The following KREMEN1 variants were observed in gnomAD, a reference collection of about 807,000 sequenced individuals.
The protein encoded by KREMEN1 is kremen protein 1.
KREMEN1 carries 30 observed loss-of-function variants against 46.5 expected under a neutral mutation model. The observed-to-expected ratio is 0.65, with a 90% confidence interval of 0.48 to 0.88. KREMEN1 has a LOEUF of 0.88. Among genes scored for constraint, KREMEN1 ranks in the 40% least tolerant of loss-of-function variants. KREMEN1 has a pLI of 0.00. For synonymous variants in KREMEN1, 214 were observed against 230.6 expected (o/e 0.93, Z 0.65); for missense variants, 533 against 596.9 (o/e 0.89, Z 1.11).
At chr22:29,076,174 T>C (rs1480317466) in intron 1 of KREMEN1, among the ~76,000 whole-genome samples, 1 of 152,232 alleles carries the variant, frequency 6.6e-6, no homozygotes, top group Non-Finnish European at 1.5e-5. Context: ...TTAGGGTCTA[T>C]TAGGTGCACA....
intron 5 of KREMEN1, among the ~76,000 whole-genome samples, chr22:29,127,191 G>A (rs1210351492): frequency 6.6e-6 from 1 of 152,144 alleles, no homozygotes; most frequent in Non-Finnish European, 1.5e-5. Flanking sequence ...AGGGGTTATT[G>A]TGATTACTCT....
chr22:29,084,882 A>G (rs778387695), intron 1 of KREMEN1, among the ~76,000 whole-genome samples: 4 of 152,214 alleles, frequency 2.6e-5, no homozygotes, highest in Non-Finnish European at 5.9e-5. Flanking sequence ...TTTGAGAGGC[A>G]TGGCCTTTCC....
chr22:29,093,133 T>C (rs2037828354), intron 1 of KREMEN1, among the ~76,000 whole-genome samples: 2 of 152,236 alleles, frequency 1.3e-5, no homozygotes, highest in Non-Finnish European at 2.9e-5. Flanking sequence ...CTGTGGATAG[T>C]TTGAAGTATT....
intron 5 of KREMEN1, among the ~76,000 whole-genome samples, chr22:29,135,639 CAAGT>C (rs992918113): frequency 4.6e-5 from 7 of 152,196 alleles, no homozygotes; most frequent in African/African-American, 1.7e-4. Context: ...GAAAAGCTCA[CAAGT>C]GAGTGCAAAA....
downstream of KREMEN1, among the ~76,000 whole-genome samples, chr22:29,150,047 G>T (rs534615681): frequency 2.0e-5 from 3 of 152,034 alleles, no homozygotes; most frequent in Admixed American, 6.6e-5. Flanking sequence ...TGGCGAGGTC[G>T]GGTCCCGATG....
intron 1 of KREMEN1, among the ~76,000 whole-genome samples, chr22:29,092,316 G>T (rs927307414): frequency 1.3e-5 from 2 of 152,152 alleles, no homozygotes; most frequent in Admixed American, 6.5e-5. Flanking sequence ...GGGTGTGGTC[G>T]AGTGCCCAGC....
intron 9 of KREMEN1, chr22:29,166,933 AAAAAC>A (rs1440982588): frequency 2.4e-6 from 2 of 835,460 alleles, no homozygotes; most frequent in Non-Finnish European, 3.9e-6. Flanking sequence ...GCCCTGTCTC[AAAAAC>A]AAAACAAAAG....
chr22:29,124,385 G>T (rs1018296406), intron 4 of KREMEN1, among the ~76,000 whole-genome samples: 3 of 152,094 alleles, frequency 2.0e-5, no homozygotes, highest in Non-Finnish European at 4.4e-5. Flanking sequence ...TGCGTCAGTG[G>T]TTGCCAGGGT....
At position 29,144,359 on chromosome 22, in the gene KREMEN1, G is replaced by A; in HGVS notation, c.*2247G>A. On this transcript the variant is annotated 3_prime_UTR_variant, in exon 9 of 9. Coordinates refer to ENST00000400335, the MANE Select transcript of KREMEN1 (RefSeq NM_001039570.3). The stretch of plus-strand genomic sequence containing the variant: ...AGGTGCTTGGAGCTTCAGGCAGAGG[G>A]GCCTTCAGAGGAGGGAAACGGAGCA... 4.1e-6 allele frequency: 4 copies of A among 985,862 alleles called. No individual in the cohort carries two copies. Among genetic ancestry groups the A allele is most frequent in the Non-Finnish European group, 4.8e-6 (4 of 830,262 alleles). The allele number at this position is 985,862 out of a possible 1,614,324, so 61.1% of individuals were successfully genotyped here.
chr22:29,084,509 G>A (rs1212468735), intron 1 of KREMEN1, among the ~76,000 whole-genome samples: 1 of 152,190 alleles, frequency 6.6e-6, no homozygotes, highest in Non-Finnish European at 1.5e-5. Context: ...ATGCTTCACA[G>A]TGACAAGCAT....
At chr22:29,082,597 C>A (rs1008110643) in intron 1 of KREMEN1, among the ~76,000 whole-genome samples, 3 of 152,176 alleles carry the variant, frequency 2.0e-5, no homozygotes, top group African/African-American at 7.2e-5. Context: ...CCTCTTTCAA[C>A]AGACACTTAG....
Position 29,125,428 on chromosome 22 carries a change from C to T in KREMEN1, c.631+12C>T. 1 of 1,613,558 alleles carries T rather than the reference C, an allele frequency of 6.2e-7. No homozygotes were observed. Among genetic ancestry groups the T allele is most frequent in the Non-Finnish European group, 8.5e-7 (1 of 1,179,576 alleles). On this transcript the variant is annotated intron_variant, in intron 5 of 8. Transcript: ENST00000400335. Reference sequence around the variant, plus strand: ...CATCCTCTTTGATAGTGAGTATGCCCTGTGCCCATCACTGCCCAAGGCACA... The same window carrying T: ...CATCCTCTTTGATAGTGAGTATGCCTTGTGCCCATCACTGCCCAAGGCACA...
intron 9 of KREMEN1, among the ~76,000 whole-genome samples, chr22:29,163,165 G>A (rs2039026402): frequency 6.6e-6 from 1 of 152,070 alleles, no homozygotes; most frequent in African/African-American, 2.4e-5. Flanking sequence ...GTGATAGTGA[G>A]TGAATGTCGC....
At chr22:29,085,279 C>T (rs1054863287) in intron 1 of KREMEN1, among the ~76,000 whole-genome samples, 7 of 152,172 alleles carry the variant, frequency 4.6e-5, no homozygotes, top group African/African-American at 1.7e-4. Context: ...ATGTATCTAT[C>T]TCCCGACTCC....
downstream of KREMEN1, among the ~76,000 whole-genome samples, chr22:29,149,679 G>A (rs912305190): frequency 6.6e-6 from 1 of 152,236 alleles, no homozygotes; most frequent in Non-Finnish European, 1.5e-5. Context: ...ATGTGCAACT[G>A]TCCCACCTGA....
intron 9 of KREMEN1, among the ~76,000 whole-genome samples, chr22:29,159,034 G>T (rs1434594970): frequency 2.6e-5 from 4 of 151,830 alleles, no homozygotes; most frequent in African/African-American, 9.7e-5. Context: ...GGCCAGAGCT[G>T]GTCTCGAACT....
rs532207399 is a variant in KREMEN1, at chr22:29,142,230, C to G, written c.*118C>G. The G allele has an allele frequency of 7.2e-7, 1 of 1,391,958 alleles. No individual in the cohort carries two copies. The highest frequency in any genetic ancestry group is 9.3e-7 in the Non-Finnish European group (1 of 1,076,198). The allele number at this position is 1,391,958 out of a possible 1,614,324, so 86.2% of individuals were successfully genotyped here. A position where few individuals can be genotyped will look rare whatever the true frequency, so the allele number is the denominator to read the frequency against. Reference sequence around the variant, plus strand: ...CCCTCCTCTCCCTCTGCCTCGGCCTCTTCGGGGAAACCCTCCTCCTACAGA... The same window carrying G: ...CCCTCCTCTCCCTCTGCCTCGGCCTGTTCGGGGAAACCCTCCTCCTACAGA... On this transcript the variant is annotated 3_prime_UTR_variant, in exon 9 of 9. Coordinates refer to ENST00000400335, the MANE Select transcript of KREMEN1 (RefSeq NM_001039570.3).
At chr22:29,153,420 C>T (rs1178940281) in intron 9 of KREMEN1, among the ~76,000 whole-genome samples, 2 of 152,170 alleles carry the variant, frequency 1.3e-5, no homozygotes, top group African/African-American at 4.8e-5. Flanking sequence ...ACAATCATAG[C>T]TCATTGCAGC....
chr22:29,113,989 C>G (rs2038192804), intron 3 of KREMEN1, among the ~76,000 whole-genome samples: 1 of 152,146 alleles, frequency 6.6e-6, no homozygotes, highest in Non-Finnish European at 1.5e-5. Context: ...CCTTTCAGTT[C>G]TAATGTTCTG....
Sources: allele counts gnomAD v4.1 joint callset (sites outside exome capture counted in the v4.1 genomes callset), GRCh38; gene constraint gnomAD v4.1.1; transcripts MANE v1.5; gene names NCBI Gene and HGNC (gene_info 2026-07-23, HGNC 2026-07-21).